Variants in PCDHA3 observed in about 807,000 individuals in gnomAD.
The protein encoded by PCDHA3 is protocadherin alpha-3.
In PCDHA3, 41 loss-of-function variants were observed where a neutral mutation model predicts 62.2. The observed-to-expected ratio is 0.66, with a 90% CI of 0.51 to 0.86. The LOEUF is 0.86. PCDHA3 is among the 40% of genes least tolerant of loss of function. PCDHA3 has a pLI of 0.00. For synonymous variants in PCDHA3, 640 were observed against 555.4 expected (o/e 1.15, Z -2.14); for missense variants, 1,304 against 1,241.2 (o/e 1.05, Z -0.76).
At chr5:140,927,627 T>A (rs145171269) in intron 1 of PCDHA3, 5 of 1,614,062 alleles carry the variant, frequency 3.1e-6, no homozygotes, top group Non-Finnish European at 3.4e-6. Flanking sequence ...TTCCAGAGAC[T>A]GCACCCAATG....
chr5:140,883,962 T>G, intron 1 of PCDHA3: 3 of 1,613,126 alleles, frequency 1.9e-6, no homozygotes, highest in Non-Finnish European at 2.5e-6. Context: ...GCTCCGGCGC[T>G]GCTGACGCCC....
At chr5:140,811,517 T>C (rs1355784236) in intron 1 of PCDHA3, 4 of 152,238 alleles carry the variant, frequency 2.6e-5, no homozygotes, top group Non-Finnish European at 5.9e-5. Flanking sequence ...CCTTTAGATA[T>C]ATACCCAGTA....
intron 2 of PCDHA3, among the ~76,000 whole-genome samples, chr5:140,979,586 C>T (rs1554240859): frequency 6.6e-6 from 1 of 152,188 alleles, no homozygotes; most frequent in Admixed American, 6.5e-5. Context: ...CCAAATCTAG[C>T]TTACTTTAAA....
At chr5:140,841,755 C>A (rs2150322270) in intron 1 of PCDHA3, 2 of 1,613,886 alleles carry the variant, frequency 1.2e-6, no homozygotes, top group South Asian at 2.2e-5. Context: ...GTTTCAGAAT[C>A]CAGAATGCCA....
rs139165612 is a variant in PCDHA3 at position 140,875,715 on chromosome 5, T to C, written c.2394+72124T>C. On this transcript the variant is annotated intron_variant, in intron 1 of 3. Coordinates refer to ENST00000522353, the MANE Select transcript of PCDHA3 (RefSeq NM_018906.3). Reference sequence around the variant, plus strand: ...ACCTTCTGGAGGTAAATCTGCAGAATGGCATTTTGTTTGTGAATTCTCGGA... The same window carrying C: ...ACCTTCTGGAGGTAAATCTGCAGAACGGCATTTTGTTTGTGAATTCTCGGA... 205 of 1,614,134 alleles carry C rather than the reference T, an allele frequency of 1.3e-4. 1 individual carries two copies. The African/African-American group carries it at 2.2e-3, about 17-fold the overall frequency.
At chr5:140,850,464 C>A (rs2041620287) in intron 1 of PCDHA3, 1 of 1,597,872 alleles carries the variant, frequency 6.3e-7, no homozygotes, top group Non-Finnish European at 8.6e-7. Flanking sequence ...CCACGGGGAG[C>A]CAGCGCTGAC....
At chr5:140,830,487 T>C in intron 1 of PCDHA3, 1 of 1,497,798 alleles carries the variant, frequency 6.7e-7, no homozygotes, top group East Asian at 2.4e-5. Flanking sequence ...GATGCCAAAG[T>C]AAGTGAATTT....
In PCDHA3 at chr5:140,851,110, A is replaced by G. The variant is rs2041963644; in HGVS notation, c.2394+47519A>G. On this transcript the variant is annotated intron_variant, in intron 1 of 3. Transcript: ENST00000522353. ...TAAATAGATATTTTTTGGGTGCTGA[A>G]TCAATTTTATTTAAATTTGTGATTA... 1.5e-6 allele frequency: 2 copies of G among 1,302,324 alleles called. 1 individual carries two copies. The highest frequency in any genetic ancestry group is 2.0e-6 in the Non-Finnish European group (2 of 1,004,926). 80.7% of individuals were successfully genotyped at this position (1,302,324 alleles called of 1,614,324 possible). A position where few individuals can be genotyped will look rare whatever the true frequency, so the allele number is the denominator to read the frequency against.
In PCDHA3 at chr5:140,801,218, A is replaced by G. The variant is rs1554121317; in HGVS notation, c.21A>G (p.Glu7=). ...TTGCAATGTTGTTCTCCTGGCGAGA[A>G]GATCCTGGAGCCCAGTGCCTGCTGC... MLFSWR[E]DPGAQCLLLS... Residue 7 remains glutamate, a synonymous_variant, in exon 1 of 4, where the codon GAA becomes GAG. Transcript: ENST00000522353. The G allele has an allele frequency of 2.5e-6, 4 of 1,606,572 alleles. No homozygotes were observed. The highest frequency in any genetic ancestry group is 4.5e-5 in the East Asian group (2 of 44,746).
chr5:140,882,873 G>T, intron 1 of PCDHA3: 6 of 1,614,222 alleles, frequency 3.7e-6, no homozygotes, highest in Non-Finnish European at 5.1e-6. Flanking sequence ...ACACTGGACA[G>T]AGAGGAAATT....
At chr5:140,881,373 AGCCG>A in intron 1 of PCDHA3, 2 of 985,074 alleles carry the variant, frequency 2.0e-6, no homozygotes, top group Non-Finnish European at 2.4e-6. Flanking sequence ...TATGAATTGC[AGCCG>A]GCGGCGGTAA....
At chr5:140,938,468 A>T (rs1427570517) in intron 1 of PCDHA3, among the ~76,000 whole-genome samples, 1 of 152,096 alleles carries the variant, frequency 6.6e-6, no homozygotes, top group Non-Finnish European at 1.5e-5. Flanking sequence ...TTAATTTATT[A>T]TGTTTTTTAA....
chr5:140,885,283 T>C (rs1326439795), intron 1 of PCDHA3, among the ~76,000 whole-genome samples: 2 of 152,298 alleles, frequency 1.3e-5, no homozygotes, highest in Admixed American at 6.5e-5. Context: ...TATATACATA[T>C]ATAGAGAGAG....
chr5:140,866,864 G>T (rs1217408755), intron 1 of PCDHA3: 1 of 152,050 alleles, frequency 6.6e-6, no homozygotes, highest in African/African-American at 2.4e-5. Context: ...GTATTGAAAT[G>T]ACTTCTTGGT....
chr5:140,870,118 A>C, intron 1 of PCDHA3: 1 of 1,613,892 alleles, frequency 6.2e-7, no homozygotes, highest in Non-Finnish European at 8.5e-7. Context: ...CTGGGTGGAA[A>C]TCTTGGACAC....
At chr5:140,963,424 G>A (rs898407658) in intron 1 of PCDHA3, among the ~76,000 whole-genome samples, 7 of 152,194 alleles carry the variant, frequency 4.6e-5, no homozygotes, top group Non-Finnish European at 1.0e-4. Flanking sequence ...GCATGTTTAG[G>A]AACTAACTTC....
intron 1 of PCDHA3, chr5:140,829,760 G>T (rs1554132217): frequency 6.2e-7 from 1 of 1,613,780 alleles, no homozygotes. Context: ...GTTCGTGCTG[G>T]ACGAGAACGA....
Position 140,928,600 on chromosome 5 carries a change from G to C in PCDHA3, c.2395-50349G>C, listed in dbSNP as rs144698541. ...AAATGGTTCTGTCCCAGTGGAAATT[G>C]TGCCCCGCTCTGCCAGGACTGGACA... On this transcript the variant is annotated intron_variant, in intron 1 of 3. Coordinates refer to ENST00000522353, the MANE Select transcript of PCDHA3 (RefSeq NM_018906.3). 3.1e-6 allele frequency: 5 copies of C among 1,614,090 alleles called. No homozygotes were observed. In the African/African-American group the frequency reaches 6.7e-5, roughly 22 times the overall value.
At chr5:140,915,533 G>C (rs1200323853) in intron 1 of PCDHA3, among the ~76,000 whole-genome samples, 1 of 152,018 alleles carries the variant, frequency 6.6e-6, no homozygotes, top group Non-Finnish European at 1.5e-5. Flanking sequence ...GTACCATCTT[G>C]GAGGTCTTGA....
Sources: gnomAD v4.1 joint callset for allele counts (sites outside exome capture counted in the v4.1 genomes callset) on GRCh38, gnomAD v4.1.1 for gene constraint, MANE v1.5 for transcripts, NCBI Gene and HGNC (gene_info 2026-07-23, HGNC 2026-07-21) for gene names.